TPH1: variants seen among roughly 807,000 people sequenced by gnomAD.
TPH1 encodes tryptophan 5-hydroxylase 1.
A neutral mutation model predicts 49.5 loss-of-function variants in TPH1; 37 were observed. The observed-to-expected ratio is 0.75, with a 90% confidence interval of 0.58 to 0.98. TPH1 has a LOEUF of 0.98. Among genes scored for constraint, TPH1 ranks in the 50% least tolerant of loss-of-function variants. The pLI, the probability that TPH1 is intolerant of heterozygous loss-of-function variation, is 0.00. For synonymous variants in TPH1, 160 were observed against 182.1 expected (o/e 0.88, Z 0.98); for missense variants, 487 against 523.6 (o/e 0.93, Z 0.68).
intron 2 of TPH1, among the ~76,000 whole-genome samples, chr11:18,040,273 C>T (rs953876788): frequency 1.4e-5 from 2 of 147,656 alleles, no homozygotes; most frequent in African/African-American, 4.9e-5. Flanking sequence ...AAGTTCTTAA[C>T]AAATGTTTGT....
chr11:18,038,077 T>C (rs541250993), intron 2 of TPH1, among the ~76,000 whole-genome samples: 2 of 151,384 alleles, frequency 1.3e-5, no homozygotes, highest in African/African-American at 4.9e-5. Context: ...GGAAGACGAG[T>C]GGAAAAGAAG....
intron 10 of TPH1, 103 bp downstream of exon 10, chr11:18,022,695 T>G: frequency 7.8e-7 from 1 of 1,282,082 alleles, no homozygotes; most frequent in Non-Finnish European, 1.1e-6. Flanking sequence ...GAAGGCTCCT[T>G]GTGGGCTTCA....
chr11:18,029,195 G>A lies in TPH1; in HGVS notation c.637C>T (p.Gln213Ter). 1 of 1,605,864 alleles carries A rather than the reference G, an allele frequency of 6.2e-7. No individual in the cohort carries two copies. Among genetic ancestry groups the A allele is most frequent in the South Asian group, 1.1e-5 (1 of 90,956 alleles). Residue 213 changes from glutamine to a stop codon, truncating the protein, a stop_gained, in exon 6 of 11, where the codon CAA (glutamine) becomes TAA (stop). Transcript: ENST00000682019. LOFTEE classifies it high-confidence loss of function. Reference protein sequence around the residue: ...YCGYREDNIPQLEDVSNFLKE... With the variant: ...YCGYREDNIP ...AAAAAGTTGGAGACATCTTCCAATT[G>A]TGGGATATTATCCTCCCGATATCCA... is the stretch of plus-strand genomic sequence containing the variant.
chr11:18,030,694 G>A (rs532904471), intron 4 of TPH1, among the ~76,000 whole-genome samples: 27 of 152,242 alleles, frequency 1.8e-4, no homozygotes, highest in African/African-American at 6.0e-4. Flanking sequence ...CACTTAAGAC[G>A]ATTGTGTGGT....
At chr11:18,026,646 C>T in intron 6 of TPH1, 21 bp from the exon 7 acceptor site, 4 of 1,613,774 alleles carry the variant, frequency 2.5e-6, no homozygotes, top group Non-Finnish European at 3.4e-6. Flanking sequence ...AAGGAGAAAA[C>T]AAAGAAAATC....
intron 2 of TPH1, among the ~76,000 whole-genome samples, chr11:18,040,366 T>C (rs1382819417): frequency 6.8e-6 from 1 of 147,664 alleles, no homozygotes; most frequent in Non-Finnish European, 1.5e-5. Flanking sequence ...TATATATAAA[T>C]ATAGATATAT....
At chr11:18,027,056 T>C (rs1028699793) in intron 6 of TPH1, among the ~76,000 whole-genome samples, 1 of 152,236 alleles carries the variant, frequency 6.6e-6, no homozygotes, top group African/African-American at 2.4e-5. Flanking sequence ...ACAAGATGTA[T>C]TCATTTAAAT....
chr11:18,036,124 A>G lies in TPH1; in HGVS notation c.136T>C (p.Leu46=). 1 of 1,613,168 alleles carries G rather than the reference A, an allele frequency of 6.2e-7. No individual in the cohort carries two copies. The highest frequency in any genetic ancestry group is 8.5e-7 in the Non-Finnish European group (1 of 1,179,752). The change falls in exon 3 of 11, where the codon TTA becomes CTA. Residue 46 remains leucine, a synonymous_variant. Coordinates refer to ENST00000682019, the MANE Select transcript of TPH1 (RefSeq NM_004179.3). ...KIFQEKHVNL[L]HIESRKSKRR... ...TTTGATTTTCGGGACTCGATATGTA[A>G]CAGATTCACATGCTTCTCCTGTGTA...
rs1848092200 is a variant in TPH1 at position 18,040,705 on chromosome 11, G to C, written c.58C>G (p.Leu20Val). The C allele has an allele frequency of 6.2e-7, 1 of 1,612,216 alleles. No homozygotes were observed. The highest frequency in any genetic ancestry group is 8.5e-7 in the Non-Finnish European group (1 of 1,178,934). The change falls in exon 2 of 11, where the codon CTC (leucine) becomes GTC (valine). Residue 20 changes from leucine (L) to valine (V), a missense_variant. Transcript: ENST00000682019. Reference protein sequence around the residue: ...DHSLERGRASLIFSLKNEVGG... With the variant: ...DHSLERGRASVIFSLKNEVGG... ...ACTTCATTCTTTAAGGAAAAAATGAGACTTGCTCTTCCCCTTTCTAAGGAA... is the reference window on the plus strand; with the variant it reads ...ACTTCATTCTTTAAGGAAAAAATGACACTTGCTCTTCCCCTTTCTAAGGAA...
chr11:18,022,728 G>A, intron 10 of TPH1, 70 bp downstream of exon 10: 4 of 1,570,636 alleles, frequency 2.5e-6, no homozygotes, highest in Non-Finnish European at 3.5e-6. Context: ...GCTTACTTCT[G>A]TGACTTGTTA....
intron 5 of TPH1, 40 bp downstream of exon 5, chr11:18,029,472 A>G: frequency 3.2e-6 from 5 of 1,569,470 alleles, no homozygotes; most frequent in Non-Finnish European, 4.4e-6. Flanking sequence ...CACTTATTTT[A>G]TTATCTCAAA....
chr11:18,044,282 T>G (rs1044809221), intron 1 of TPH1, among the ~76,000 whole-genome samples: 2 of 151,272 alleles, frequency 1.3e-5, no homozygotes, highest in Admixed American at 6.6e-5. Flanking sequence ...ATTGGCTGGG[T>G]GTGGTGGCGG....
intron 7 of TPH1, 61 bp from the exon 8 acceptor site, chr11:18,025,762 T>G: frequency 6.2e-7 from 1 of 1,601,784 alleles, no homozygotes; most frequent in Non-Finnish European, 8.6e-7. Context: ...TAATCAACCA[T>G]TCAATCAAAT....
In TPH1 at chr11:18,020,505, G is replaced by A. The variant is rs923134193; in HGVS notation, c.*486C>T. On this transcript the variant is annotated 3_prime_UTR_variant, in exon 11 of 11. Transcript: ENST00000682019. ...CAGCAGGGTCTCCTGTTAAATTTTA[G>A]TGTGAATGTGATTGAGCTTGGCACA... The A allele has an allele frequency of 1.2e-5, 2 of 163,352 alleles. No individual in the cohort carries two copies. The highest frequency in any genetic ancestry group is 1.3e-5 in the Non-Finnish European group (1 of 74,426). 10.1% of individuals were successfully genotyped at this position (163,352 alleles called of 1,614,324 possible).
intron 9 of TPH1, 86 bp downstream of exon 9, chr11:18,023,802 G>C: frequency 1.0e-6 from 1 of 966,682 alleles, no homozygotes; most frequent in Non-Finnish European, 1.7e-6. Flanking sequence ...TCCATAGTAA[G>C]CTCTTGTTCA....
intron 2 of TPH1, among the ~76,000 whole-genome samples, chr11:18,039,353 A>C (rs508924): frequency 0.36 from 54,810 of 151,932 alleles, 10,428 homozygotes; most frequent in East Asian, 0.51. Flanking sequence ...GACATAAATC[A>C]TGAAGTGTGG....
intron 7 of TPH1, among the ~76,000 whole-genome samples, chr11:18,026,206 C>T (rs1019118201): frequency 1.3e-5 from 2 of 152,062 alleles, no homozygotes; most frequent in African/African-American, 4.8e-5. Flanking sequence ...AAGCTTTATG[C>T]AGGCAGAAAT....
At chr11:18,023,825 A>G (rs892930186) in intron 9 of TPH1, 63 bp downstream of exon 9, 25 of 1,349,400 alleles carry the variant, frequency 1.9e-5, no homozygotes, top group Admixed American at 1.0e-4. Context: ...AGCAAAAACT[A>G]TTTCAGGTTT....
At chr11:18,024,122 G>A (rs1165503723) in intron 8 of TPH1, 139 bp from the exon 9 acceptor site, 6 of 710,502 alleles carry the variant, frequency 8.4e-6, no homozygotes, top group Non-Finnish European at 1.3e-5. Context: ...TCTACAATCT[G>A]ACCTCATTCT....
Sources: allele counts gnomAD v4.1 joint callset (sites outside exome capture counted in the v4.1 genomes callset), GRCh38; gene constraint gnomAD v4.1.1; transcripts MANE v1.5; gene names NCBI Gene and HGNC (gene_info 2026-07-23, HGNC 2026-07-21).